The following TENM3 variants were observed in gnomAD, a reference collection of about 807,000 sequenced individuals.
TENM3 encodes the protein teneurin transmembrane protein 3, also known as teneurin-3.
In TENM3, 63 loss-of-function variants were observed where a neutral mutation model predicts 255.1. The ratio of observed to expected loss-of-function variants is 0.25; its 90% confidence interval spans 0.20 to 0.30. The LOEUF (loss-of-function observed/expected upper bound fraction) is 0.30, where lower values mean the gene tolerates loss of function less well. TENM3 is among the 10% of genes least tolerant of loss of function. The pLI is 1.00. For synonymous variants in TENM3, 1,306 were observed against 1,322.3 expected (o/e 0.99, Z 0.27); for missense variants, 2,929 against 3,461.1 (o/e 0.85, Z 3.86).
the TENM3 span, among the ~76,000 whole-genome samples, chr4:181,883,016 A>G: frequency 6.6e-6 from 1 of 152,078 alleles, no homozygotes; most frequent in South Asian, 2.1e-4. Context: ...TTTTCAATAG[A>G]TAAATATTCC....
chr4:181,925,839 C>A, the TENM3 span, among the ~76,000 whole-genome samples: 4 of 152,174 alleles, frequency 2.6e-5, no homozygotes, highest in African/African-American at 9.7e-5. Context: ...CCTGATGTTA[C>A]AGTTTCCAAG....
chr4:182,296,434 T>G (rs1761503156), intron 1 of TENM3, among the ~76,000 whole-genome samples: 1 of 152,206 alleles, frequency 6.6e-6, no homozygotes, highest in Non-Finnish European at 1.5e-5. Context: ...GTTACTTTTG[T>G]GGATCTGCAA....
chr4:182,743,880 A>G (rs1198632964), intron 19 of TENM3, among the ~76,000 whole-genome samples: 1 of 152,168 alleles, frequency 6.6e-6, no homozygotes, highest in African/African-American at 2.4e-5. Context: ...TCCATTAGCC[A>G]TAATGCCAAT....
intron 5 of TENM3, among the ~76,000 whole-genome samples, chr4:182,651,158 T>G (rs1328101466): frequency 6.6e-6 from 1 of 152,028 alleles, no homozygotes; most frequent in Non-Finnish European, 1.5e-5. Context: ...TTGGAATATT[T>G]ATTGCTGCTA....
At chr4:181,718,177 T>C in the TENM3 span, among the ~76,000 whole-genome samples, 1 of 152,188 alleles carries the variant, frequency 6.6e-6, no homozygotes, top group African/African-American at 2.4e-5. Context: ...TATAAAAGAA[T>C]GGAAGAATAC....
chr4:182,324,816 C>T (rs1038283134), intron 2 of TENM3, among the ~76,000 whole-genome samples: 8 of 152,196 alleles, frequency 5.3e-5, no homozygotes, highest in South Asian at 2.1e-4. Context: ...TAAGTTTATA[C>T]CTTAACACTT....
chr4:181,527,125 T>C, the TENM3 span, among the ~76,000 whole-genome samples: 1 of 152,176 alleles, frequency 6.6e-6, no homozygotes, highest in South Asian at 2.1e-4. Flanking sequence ...AGGTCCACAA[T>C]TGCAAAACAG....
chr4:181,665,072 A>G, the TENM3 span, among the ~76,000 whole-genome samples: 1 of 152,328 alleles, frequency 6.6e-6, no homozygotes, highest in South Asian at 2.1e-4. Context: ...AAATAGGCTC[A>G]GATAGATGAA....
At chr4:182,261,863 C>G (rs949580313) in intron 1 of TENM3, among the ~76,000 whole-genome samples, 3 of 152,234 alleles carry the variant, frequency 2.0e-5, no homozygotes, top group Non-Finnish European at 4.4e-5. Context: ...ACTTCACACA[C>G]CTCCAGGTCA....
At chr4:181,555,203 T>C in the TENM3 span, among the ~76,000 whole-genome samples, 5 of 152,182 alleles carry the variant, frequency 3.3e-5, no homozygotes, top group African/African-American at 9.7e-5. Flanking sequence ...ATGAAGTAGA[T>C]ACTATTATTT....
chr4:182,121,680 A>T, the TENM3 span, among the ~76,000 whole-genome samples: 13 of 152,360 alleles, frequency 8.5e-5, no homozygotes, highest in African/African-American at 3.1e-4. Context: ...AAAAAATTCT[A>T]AAGATCATTG....
the TENM3 span, among the ~76,000 whole-genome samples, chr4:181,685,943 G>A: frequency 3.9e-5 from 6 of 152,268 alleles, no homozygotes; most frequent in African/African-American, 1.4e-4. Flanking sequence ...CAGGGTGTTA[G>A]TATTACTTGT....
the TENM3 span, among the ~76,000 whole-genome samples, chr4:181,556,431 A>G: frequency 6.6e-6 from 1 of 152,158 alleles, no homozygotes; most frequent in Non-Finnish European, 1.5e-5. Flanking sequence ...AGCCTTGACA[A>G]TAATTTATAA....
At chr4:182,675,546 G>GAA (rs760667697) in intron 7 of TENM3, among the ~76,000 whole-genome samples, 4 of 129,558 alleles carry the variant, frequency 3.1e-5, no homozygotes, top group Admixed American at 7.9e-5. Context: ...CTGTCTAGGA[G>GAA]AAAAAAAAAA....
the TENM3 span, among the ~76,000 whole-genome samples, chr4:182,004,526 A>C: frequency 2.6e-5 from 4 of 152,170 alleles, no homozygotes; most frequent in Non-Finnish European, 4.4e-5. Flanking sequence ...ATAGTGCTAT[A>C]ATAAACATAC....
chr4:181,704,550 C>T, the TENM3 span, among the ~76,000 whole-genome samples: 1 of 152,164 alleles, frequency 6.6e-6, no homozygotes, highest in East Asian at 1.9e-4. Context: ...TTTTTTCATT[C>T]TGGTAGACCT....
At chr4:182,174,389 CAAAA>C (rs34627421) in intron 1 of TENM3, among the ~76,000 whole-genome samples, 1 of 110,472 alleles carries the variant, frequency 9.1e-6, no homozygotes, top group Admixed American at 8.9e-5. Flanking sequence ...TATGTGGCTG[CAAAA>C]AAAAAAAAAA....
At chr4:181,952,760 G>A in the TENM3 span, among the ~76,000 whole-genome samples, 2 of 152,358 alleles carry the variant, frequency 1.3e-5, no homozygotes, top group African/African-American at 4.8e-5. Flanking sequence ...AAGGGCCTCA[G>A]ATTCGGAGAT....
the TENM3 span, among the ~76,000 whole-genome samples, chr4:181,689,032 A>G: frequency 6.6e-6 from 1 of 152,134 alleles, no homozygotes; most frequent in African/African-American, 2.4e-5. Flanking sequence ...CATACACTTT[A>G]TCTTTACATC....
Sources: gnomAD v4.1 joint callset for allele counts (sites outside exome capture counted in the v4.1 genomes callset) on GRCh38, gnomAD v4.1.1 for gene constraint, MANE v1.5 for transcripts, NCBI Gene and HGNC (gene_info 2026-07-23, HGNC 2026-07-21) for gene names.